The following RGS7BP variants were observed in gnomAD, a reference collection of about 807,000 sequenced individuals.
RGS7BP encodes regulator of G protein signaling 7-binding protein.
RGS7BP carries 9 observed loss-of-function variants against 31.3 expected under a neutral mutation model. The observed-to-expected ratio is 0.29, with a 90% CI of 0.17 to 0.50. RGS7BP has a LOEUF of 0.50. Ranked by LOEUF, RGS7BP falls within the 20% of genes least tolerant of loss-of-function variation. The pLI, the probability that RGS7BP is intolerant of heterozygous loss-of-function variation, is 0.98. For missense variants in RGS7BP, 274 were observed against 322.0 expected, an observed-to-expected ratio of 0.85 and a Z score of 1.14; for synonymous variants, 115 against 120.1, an observed-to-expected ratio of 0.96 and a Z score of 0.28.
intron 3 of RGS7BP, among the ~76,000 whole-genome samples, chr5:64,585,738 C>A (rs766900391): frequency 6.6e-6 from 1 of 152,160 alleles, no homozygotes; most frequent in Non-Finnish European, 1.5e-5. Flanking sequence ...TTAAATTTTC[C>A]TCAAACATGC....
At chr5:64,554,021 A>C (rs531330667) in intron 2 of RGS7BP, among the ~76,000 whole-genome samples, 3 of 152,226 alleles carry the variant, frequency 2.0e-5, no homozygotes, top group African/African-American at 7.2e-5. Flanking sequence ...TGAGATATAC[A>C]CATAAAGTCA....
Position 64,596,833 on chromosome 5 carries a change from G to A in RGS7BP, c.612-1532G>A, listed in dbSNP as rs564687800. 2.6e-5 allele frequency among the ~76,000 whole-genome samples: 4 copies of A among 152,218 alleles called. No individual in the cohort carries two copies. In the East Asian group the frequency reaches 7.7e-4, roughly 29 times the overall value. On this transcript the variant is annotated intron_variant, in intron 4 of 5. Coordinates refer to ENST00000334025, the MANE Select transcript of RGS7BP (RefSeq NM_001029875.3). Reference sequence around the variant, plus strand: ...AATACTTGAAAAGGAGCTCCCATGAGGTCTCCAGAATTACCCTAAGAAAAC... The same window carrying A: ...AATACTTGAAAAGGAGCTCCCATGAAGTCTCCAGAATTACCCTAAGAAAAC...
At chr5:64,524,124 T>C (rs1047737774) in intron 2 of RGS7BP, among the ~76,000 whole-genome samples, 1 of 151,466 alleles carries the variant, frequency 6.6e-6, no homozygotes, top group African/African-American at 2.4e-5. Flanking sequence ...ACACTGTATA[T>C]GAAATATTGT....
intron 2 of RGS7BP, among the ~76,000 whole-genome samples, chr5:64,547,370 C>T (rs1216883605): frequency 6.6e-6 from 1 of 152,192 alleles, no homozygotes; most frequent in Non-Finnish European, 1.5e-5. Context: ...GGAAATTCTT[C>T]TCACCAAAGC....
At chr5:64,569,354 AT>A (rs1030531949) in intron 2 of RGS7BP, among the ~76,000 whole-genome samples, 1 of 152,080 alleles carries the variant, frequency 6.6e-6, no homozygotes, top group Non-Finnish European at 1.5e-5. Context: ...TCACTGGAGC[AT>A]TTTTCTCCAT....
At chr5:64,539,219 T>G (rs2111805242) in intron 2 of RGS7BP, among the ~76,000 whole-genome samples, 1 of 152,348 alleles carries the variant, frequency 6.6e-6, no homozygotes. Flanking sequence ...TTCATTGGTT[T>G]GTTTGTTTTC....
intron 2 of RGS7BP, among the ~76,000 whole-genome samples, chr5:64,558,010 A>G (rs976682972): frequency 5.3e-5 from 8 of 152,086 alleles, no homozygotes. Flanking sequence ...AGGATTTGCA[A>G]TCTGAATGCA....
chr5:64,574,204 T>C (rs953356329), intron 2 of RGS7BP, among the ~76,000 whole-genome samples: 1 of 152,064 alleles, frequency 6.6e-6, no homozygotes, highest in African/African-American at 2.4e-5. Flanking sequence ...ATCTAGCAGG[T>C]CCATGAGGGA....
At chr5:64,549,541 G>A (rs970892793) in intron 2 of RGS7BP, among the ~76,000 whole-genome samples, 2 of 152,318 alleles carry the variant, frequency 1.3e-5, no homozygotes, top group East Asian at 1.9e-4. Flanking sequence ...CACCTTCAGG[G>A]TCATTTTTTC....
chr5:64,511,623 C>T (rs1174927045), intron 2 of RGS7BP, among the ~76,000 whole-genome samples: 1 of 152,156 alleles, frequency 6.6e-6, no homozygotes, highest in Non-Finnish European at 1.5e-5. Flanking sequence ...GGACTTCCTT[C>T]TCAAAGTGAC....
intron 2 of RGS7BP, among the ~76,000 whole-genome samples, chr5:64,568,596 G>A (rs1742225240): frequency 1.3e-5 from 2 of 151,988 alleles, no homozygotes; most frequent in African/African-American, 4.8e-5. Context: ...AACCACCAAT[G>A]CCCTGAGAAA....
At chr5:64,526,916 C>G (rs1381774638) in intron 2 of RGS7BP, among the ~76,000 whole-genome samples, 1 of 152,184 alleles carries the variant, frequency 6.6e-6, no homozygotes, top group Non-Finnish European at 1.5e-5. Flanking sequence ...TGCTCTCCAG[C>G]CCTTCCCCTC....
At chr5:64,576,599 G>C (rs1742437786) in intron 3 of RGS7BP, among the ~76,000 whole-genome samples, 1 of 152,198 alleles carries the variant, frequency 6.6e-6, no homozygotes, top group South Asian at 2.1e-4. Context: ...CGGAGAAAAA[G>C]TTGTGAACTT....
chr5:64,607,501 T>C (rs1012465003), intron 5 of RGS7BP, among the ~76,000 whole-genome samples: 5 of 152,002 alleles, frequency 3.3e-5, no homozygotes, highest in African/African-American at 4.8e-5. Context: ...ATAGGCAGAT[T>C]CAAAGATTTT....
chr5:64,595,926 G>T (rs779798012), intron 4 of RGS7BP, among the ~76,000 whole-genome samples: 1 of 152,162 alleles, frequency 6.6e-6, no homozygotes, highest in African/African-American at 2.4e-5. Context: ...CTTGGATTTT[G>T]TATAAGCTTG....
chr5:64,516,751 A>C (rs1748986503), intron 2 of RGS7BP, among the ~76,000 whole-genome samples: 1 of 152,174 alleles, frequency 6.6e-6, no homozygotes, highest in African/African-American at 2.4e-5. Context: ...TGAACATGCA[A>C]CATATGAGGC....
At chr5:64,563,652 T>C (rs1742104832) in intron 2 of RGS7BP, among the ~76,000 whole-genome samples, 1 of 152,112 alleles carries the variant, frequency 6.6e-6, no homozygotes, top group South Asian at 2.1e-4. Context: ...TGCTGACACC[T>C]TCATCTTGAA....
In RGS7BP at chr5:64,574,135, A is replaced by G. The variant is rs115446298; in HGVS notation, c.333-1639A>G. On this transcript the variant is annotated intron_variant, in intron 2 of 5. Transcript: ENST00000334025. ...GCTCTGAAAATAAATGTATTAGTAG[A>G]TAATATACAAGGATCAATTTTTATT... is the stretch of plus-strand genomic sequence containing the variant. Among the ~76,000 whole-genome samples the G allele has an allele frequency of 5.0e-3, 764 of 152,274 alleles. 7 individuals carry two copies. Among genetic ancestry groups the G allele is most frequent in the African/African-American group, 0.014 (595 of 41,562 alleles).
intron 5 of RGS7BP, among the ~76,000 whole-genome samples, chr5:64,608,521 T>A (rs930164436): frequency 2.0e-5 from 3 of 152,038 alleles, no homozygotes; most frequent in African/African-American, 7.2e-5. Context: ...AATGAAGGTG[T>A]GATAATGATC....
Sources: gnomAD v4.1 joint callset for allele counts (sites outside exome capture counted in the v4.1 genomes callset) on GRCh38, gnomAD v4.1.1 for gene constraint, MANE v1.5 for transcripts, NCBI Gene and HGNC (gene_info 2026-07-23, HGNC 2026-07-21) for gene names.